The following TOPAZ1 variants were observed in gnomAD, a reference collection of about 807,000 sequenced individuals.
TOPAZ1 encodes protein TOPAZ1.
In TOPAZ1, 66 loss-of-function variants were observed where a neutral mutation model predicts 172.2. That is an observed-to-expected ratio of 0.38 (90% CI 0.31 to 0.47). The LOEUF (loss-of-function observed/expected upper bound fraction) is 0.47, where lower values mean the gene tolerates loss of function less well. Among genes scored for constraint, TOPAZ1 ranks in the 20% least tolerant of loss-of-function variants. The probability of loss-of-function intolerance (pLI) is 0.99; values close to 1 mark genes in which losing one functional copy is unlikely to be tolerated. For missense variants in TOPAZ1, 1,822 were observed against 1,972.4 expected, an observed-to-expected ratio of 0.92 and a Z score of 1.44; for synonymous variants, 681 against 683.9, an observed-to-expected ratio of 1.00 and a Z score of 0.07.
chr3:44,291,584 C>T (rs1369084230), intron 12 of TOPAZ1, among the ~76,000 whole-genome samples: 1 of 150,546 alleles, frequency 6.6e-6, no homozygotes, highest in Non-Finnish European at 1.5e-5. Flanking sequence ...CAGAGCGAGA[C>T]TCCGTCTCAA....
intron 11 of TOPAZ1, among the ~76,000 whole-genome samples, chr3:44,290,565 C>G (rs181558001): frequency 6.6e-6 from 1 of 152,208 alleles, no homozygotes; most frequent in Admixed American, 6.5e-5. Flanking sequence ...GGAAGAAAAT[C>G]CAAAAACTTA....
chr3:44,274,707 A>C (rs1699934007), intron 8 of TOPAZ1, among the ~76,000 whole-genome samples: 1 of 151,948 alleles, frequency 6.6e-6, no homozygotes, highest in African/African-American at 2.4e-5. Context: ...GGCGTGCGCC[A>C]ACATGCCCGG....
At chr3:44,270,921 G>T in intron 8 of TOPAZ1, 111 bp downstream of exon 8, 4 of 981,436 alleles carry the variant, frequency 4.1e-6, no homozygotes, top group African/African-American at 1.7e-5. Context: ...AGTTTTGCCT[G>T]CTTTTGTTCT....
At chr3:44,320,503 C>T (rs1212447930) in intron 16 of TOPAZ1, among the ~76,000 whole-genome samples, 2 of 152,126 alleles carry the variant, frequency 1.3e-5, no homozygotes, top group Non-Finnish European at 2.9e-5. Context: ...GAGGCTGAGG[C>T]AGGAGAATCA....
At chr3:44,256,365 C>A in intron 4 of TOPAZ1, 87 bp downstream of exon 4, 1 of 1,235,952 alleles carries the variant, frequency 8.1e-7, no homozygotes, top group Non-Finnish European at 1.1e-6. Context: ...TATCGGGTGG[C>A]AAGTGTAACT....
At chr3:44,271,210 C>T (rs1378279093) in intron 8 of TOPAZ1, among the ~76,000 whole-genome samples, 1 of 152,084 alleles carries the variant, frequency 6.6e-6, no homozygotes, top group Non-Finnish European at 1.5e-5. Flanking sequence ...ATATTCAGCC[C>T]TAGTAGATAA....
intron 15 of TOPAZ1, among the ~76,000 whole-genome samples, chr3:44,309,274 T>C (rs1700369820): frequency 6.6e-6 from 1 of 152,180 alleles, no homozygotes; most frequent in African/African-American, 2.4e-5. Flanking sequence ...TTTTTCACTA[T>C]CATTCTTTGT....
chr3:44,320,436 A>G (rs1700495923), intron 16 of TOPAZ1, among the ~76,000 whole-genome samples: 1 of 152,164 alleles, frequency 6.6e-6, no homozygotes, highest in Non-Finnish European at 1.5e-5. Flanking sequence ...TCTCTACTTA[A>G]CATACAAAAA....
rs58971114 is a variant in TOPAZ1 at position 44,332,025 on chromosome 3, C to CTTT, written c.*27_*29dup. 99 of 1,330,232 alleles carry CTTT rather than the reference C, an allele frequency of 7.4e-5. No individual in the cohort carries two copies. The highest frequency in any genetic ancestry group is 2.7e-4 in the Middle Eastern group (1 of 3,752). 82.4% of individuals were successfully genotyped at this position (1,330,232 alleles called of 1,614,324 possible). A position where few individuals can be genotyped will look rare whatever the true frequency, so the allele number is the denominator to read the frequency against. Reference sequence around the variant, plus strand: ...AGTAACCATTAGCTAATAAAGTCTGCTTTTTTTTTTTTTTTAGTTCAAGTA... The same window carrying CTTT: ...AGTAACCATTAGCTAATAAAGTCTGCTTTTTTTTTTTTTTTTTTAGTTCAAGTA... On this transcript the variant is annotated 3_prime_UTR_variant, in exon 20 of 20. Coordinates refer to ENST00000309765, the MANE Select transcript of TOPAZ1 (RefSeq NM_001145030.2).
chr3:44,243,771 C>G lies in TOPAZ1; in HGVS notation c.1265C>G (p.Pro422Arg), dbSNP rs1575702226. Reference protein sequence around the residue: ...VNAVFQKTIEPLLKEETENAS... With the variant: ...VNAVFQKTIERLLKEETENAS... ...GCTGTGTTTCAGAAAACCATTGAAC[C>G]ACTTTTGAAAGAAGAAACAGAGAAT... The change falls in exon 2 of 20, where the codon CCA becomes CGA. Residue 422 changes from proline (P) to arginine (R), a missense_variant. By Grantham distance (103) the Pro-to-Arg change is moderately radical. This residue lies in a region of TOPAZ1 where 1,489 missense variants were observed against 1,490.8 expected (regional missense o/e 1.00). Coordinates refer to ENST00000309765, the MANE Select transcript of TOPAZ1 (RefSeq NM_001145030.2). 6.4e-7 allele frequency: 1 copy of G among 1,551,668 alleles called. No homozygotes were observed. The highest frequency in any genetic ancestry group is 8.7e-7 in the Non-Finnish European group (1 of 1,146,970).
In TOPAZ1 at chr3:44,254,003, TTGAG is replaced by T. The variant is rs1157396382; in HGVS notation, c.2766-962_2766-959del. On this transcript the variant is annotated intron_variant, in intron 2 of 19. Transcript: ENST00000309765. ...TGGAATAGTGTTTGGCCATTTGTATTTGAGTGGCTCCTATAAATGTAGTTTTCAT... is the reference window on the plus strand; with the variant it reads ...TGGAATAGTGTTTGGCCATTTGTATTTGGCTCCTATAAATGTAGTTTTCAT... Among the ~76,000 whole-genome samples, 13 of 152,342 alleles carry T rather than the reference TTGAG, an allele frequency of 8.5e-5. No homozygotes were observed. The South Asian group carries it at 2.7e-3, about 32-fold the overall frequency.
chr3:44,308,058 G>A (rs1700354865), intron 15 of TOPAZ1, among the ~76,000 whole-genome samples: 1 of 152,152 alleles, frequency 6.6e-6, no homozygotes, highest in African/African-American at 2.4e-5. Context: ...GGCATCACTT[G>A]AGGTCCGGAG....
intron 4 of TOPAZ1, among the ~76,000 whole-genome samples, chr3:44,260,988 T>A (rs1699768979): frequency 6.7e-6 from 1 of 149,948 alleles, no homozygotes; most frequent in South Asian, 2.1e-4. Context: ...TTTTTTTGTT[T>A]CATTGATTGC....
intron 7 of TOPAZ1, 88 bp downstream of exon 7, chr3:44,269,389 C>G: frequency 1.4e-6 from 1 of 723,270 alleles, no homozygotes; most frequent in South Asian, 1.7e-5. Flanking sequence ...TCACTTTCCT[C>G]CACTCCCTCT....
chr3:44,263,304 G>A (rs893694446), intron 5 of TOPAZ1, among the ~76,000 whole-genome samples: 3 of 152,000 alleles, frequency 2.0e-5, no homozygotes, highest in African/African-American at 7.2e-5. Context: ...TTTTTCTGTT[G>A]AAATCATTTT....
rs1559544431 is a variant in TOPAZ1 at position 44,306,313 on chromosome 3, AT to A, written c.4040-10del. 2.0e-6 allele frequency: 3 copies of A among 1,508,210 alleles called. No homozygotes were observed. The highest frequency in any genetic ancestry group is 2.8e-5 in the African/African-American group (2 of 72,406). 93.4% of individuals were successfully genotyped at this position (1,508,210 alleles called of 1,614,324 possible). ...CTATTTTATTTTCTTTTGTATGCCT[AT>A]TTGTGTTTCAGTTAGCAAAGATCCA... is the stretch of plus-strand genomic sequence containing the variant. On this transcript the variant is annotated splice_polypyrimidine_tract_variant and intron_variant, in intron 14 of 19. Coordinates refer to ENST00000309765, the MANE Select transcript of TOPAZ1 (RefSeq NM_001145030.2).
chr3:44,300,913 T>G (rs1028334594), intron 12 of TOPAZ1, among the ~76,000 whole-genome samples: 1 of 151,236 alleles, frequency 6.6e-6, no homozygotes, highest in African/African-American at 2.4e-5. Flanking sequence ...AGTTAAACTG[T>G]GGTACATACC....
intron 8 of TOPAZ1, among the ~76,000 whole-genome samples, chr3:44,272,499 T>C (rs1699909235): frequency 6.6e-6 from 1 of 152,226 alleles, no homozygotes; most frequent in South Asian, 2.1e-4. Context: ...TGATTCATGA[T>C]GTTGAGCCTT....
In TOPAZ1 at chr3:44,242,094, G is replaced by C; in HGVS notation, c.41G>C (p.Gly14Ala). The C allele has an allele frequency of 6.5e-7, 1 of 1,547,644 alleles. No individual in the cohort carries two copies. The highest frequency in any genetic ancestry group is 8.7e-7 in the Non-Finnish European group (1 of 1,146,474). The change falls in exon 1 of 20, where the codon GGG becomes GCG. Residue 14 changes from glycine to alanine, a missense_variant. Physicochemically the swap from Gly to Ala is moderately conservative, Grantham distance 60. Transcript: ENST00000309765. The stretch of plus-strand genomic sequence containing the variant: ...CCCCTGGGCCCCACGACGGCCTCAG[G>C]GCCTGAAGGCAATGTGCGAAACCTG... ...PPPLGPTTAS[G>A]PEGNVRNLQK...
Sources: allele counts gnomAD v4.1 joint callset (sites outside exome capture counted in the v4.1 genomes callset), GRCh38; gene constraint gnomAD v4.1.1; regional missense constraint gnomAD v4.1.1; transcripts MANE v1.5; gene names NCBI Gene and HGNC (gene_info 2026-07-23, HGNC 2026-07-21).